Variants in REV3L observed in about 807,000 individuals in gnomAD.
The protein encoded by REV3L is REV3 like, DNA directed polymerase zeta catalytic subunit, also known as DNA polymerase zeta catalytic subunit.
A neutral mutation model predicts 299.4 loss-of-function variants in REV3L; 69 were observed. That is an observed-to-expected ratio of 0.23 (90% CI 0.19 to 0.28). The LOEUF (loss-of-function observed/expected upper bound fraction) is 0.28, where lower values mean the gene tolerates loss of function less well. REV3L is among the 10% of genes least tolerant of loss of function. REV3L has a pLI of 1.00. For missense variants in REV3L, 3,128 were observed against 3,693.8 expected, an observed-to-expected ratio of 0.85 and a Z score of 3.97; for synonymous variants, 1,238 against 1,271.4, an observed-to-expected ratio of 0.97 and a Z score of 0.56.
chr6:111,304,161 T>C (rs1323622404), intron 31 of REV3L, among the ~76,000 whole-genome samples: 1 of 147,946 alleles, frequency 6.8e-6, no homozygotes, highest in Admixed American at 6.7e-5. Flanking sequence ...ACTTGATTGG[T>C]CTTGGATTGA....
Position 111,376,525 on chromosome 6 carries a change from T to C in REV3L, c.1830A>G (p.Leu610=), listed in dbSNP as rs201855853. The change falls in exon 13 of 32, where the codon CTA becomes CTG. Residue 610 remains leucine (L), a synonymous_variant. Coordinates refer to ENST00000368802, the MANE Select transcript of REV3L (RefSeq NM_001372078.1). ...SQTNKNTEKG[L]DNSVTSFTNE... ...TTGTAAAAGAAGTGACTGAGTTATC[T>C]AGACCTTTTTCTGTATTTTTGTTTG... The C allele has an allele frequency of 1.1e-5, 18 of 1,612,684 alleles. No homozygotes were observed. Among genetic ancestry groups the C allele is most frequent in the Middle Eastern group, 3.3e-4 (2 of 6,054 alleles).
intron 1 of REV3L, among the ~76,000 whole-genome samples, chr6:111,445,040 T>C (rs905552770): frequency 6.6e-6 from 1 of 152,158 alleles, no homozygotes; most frequent in Non-Finnish European, 1.5e-5. Flanking sequence ...AAGAATCAAC[T>C]ACAGATAATA....
At position 111,418,879 on chromosome 6, in the gene REV3L, C is replaced by G. The variant is rs77733335; in HGVS notation, c.140-2407G>C. On this transcript the variant is annotated intron_variant, in intron 1 of 31. Coordinates refer to ENST00000368802, the MANE Select transcript of REV3L (RefSeq NM_001372078.1). ...AAACACATGGTATGTGCTTAACAAACATTTATTAAATGAATTAAAGAACCC... is the reference window on the plus strand; with the variant it reads ...AAACACATGGTATGTGCTTAACAAAGATTTATTAAATGAATTAAAGAACCC... 2.5e-3 allele frequency among the ~76,000 whole-genome samples: 374 copies of G among 152,212 alleles called. 10 individuals are homozygous for G. In the East Asian group the frequency reaches 0.05, roughly 21 times the overall value.
rs1582810383 is a variant in REV3L at position 111,389,967 on chromosome 6, C to A, written c.757+119G>T. 1.3e-5 allele frequency: 8 copies of A among 613,624 alleles called. No homozygotes were observed. In the East Asian group the frequency reaches 2.5e-4, roughly 19 times the overall value. 38.0% of individuals were successfully genotyped at this position (613,624 alleles called of 1,614,324 possible). ...TTGGCCAGGATGGTCTCGATCTGACCTCATGATCCACCCACCTTGGCCTCC... is the reference window on the plus strand; with the variant it reads ...TTGGCCAGGATGGTCTCGATCTGACATCATGATCCACCCACCTTGGCCTCC... On this transcript the variant is annotated intron_variant, in intron 6 of 31. Transcript: ENST00000368802.
chr6:111,461,231 A>C (rs983210337), intron 1 of REV3L, among the ~76,000 whole-genome samples: 7 of 152,076 alleles, frequency 4.6e-5, no homozygotes, highest in African/African-American at 1.7e-4. Context: ...AAGATGTGGA[A>C]GTGGAAGACA....
At chr6:111,468,315 A>G (rs1791752404) in intron 1 of REV3L, among the ~76,000 whole-genome samples, 2 of 152,222 alleles carry the variant, frequency 1.3e-5, no homozygotes, top group African/African-American at 4.8e-5. Context: ...TGAAAAAAAG[A>G]TACTACTTAA....
intron 16 of REV3L, among the ~76,000 whole-genome samples, chr6:111,360,487 T>C (rs1778545096): frequency 6.8e-6 from 1 of 147,992 alleles, no homozygotes; most frequent in Non-Finnish European, 1.5e-5. Context: ...TTTTTTTTTT[T>C]TTTTTAGACA....
intron 25 of REV3L, among the ~76,000 whole-genome samples, chr6:111,325,194 A>G (rs1774646500): frequency 6.6e-6 from 1 of 152,240 alleles, no homozygotes; most frequent in Admixed American, 6.5e-5. Context: ...TGTTTTAAGT[A>G]AAAATTAATT....
At chr6:111,440,519 T>C (rs1284076901) in intron 1 of REV3L, among the ~76,000 whole-genome samples, 2 of 138,548 alleles carry the variant, frequency 1.4e-5, no homozygotes, top group African/African-American at 2.5e-5. Flanking sequence ...TGCAATTACT[T>C]ATAAGGGACA....
chr6:111,385,461 A>G (rs2128249415), intron 9 of REV3L, among the ~76,000 whole-genome samples: 1 of 152,284 alleles, frequency 6.6e-6, no homozygotes, highest in Admixed American at 6.5e-5. Flanking sequence ...GTGAAAAACC[A>G]AACTGTAAGC....
rs183860196 is a variant in REV3L at position 111,318,884 on chromosome 6, T to C, written c.8352-3503A>G. On this transcript the variant is annotated intron_variant, in intron 26 of 31. Transcript: ENST00000368802. Reference sequence around the variant, plus strand: ...ATGCAACATTTAAAATAAGTGCACATACACATATTTCTGTACGGTTTTATA... The same window carrying C: ...ATGCAACATTTAAAATAAGTGCACACACACATATTTCTGTACGGTTTTATA... 5.0e-3 allele frequency among the ~76,000 whole-genome samples: 768 copies of C among 152,126 alleles called. 10 individuals carry two copies. Among genetic ancestry groups the C allele is most frequent in the Admixed American group, 0.03 (465 of 15,278 alleles).
rs779418990 is a variant in REV3L at position 111,482,890 on chromosome 6, T to C, written c.-2A>G. ...AGTCACTATCCTTACTGAAAACATG[T>C]TCGCCGCCGCCGCCACTGCCTCCCT... On this transcript the variant is annotated 5_prime_UTR_variant, in exon 1 of 32. Transcript: ENST00000368802. The C allele has an allele frequency of 1.2e-5, 18 of 1,512,654 alleles. No homozygotes were observed. Among genetic ancestry groups the C allele is most frequent in the Non-Finnish European group, 1.6e-5 (18 of 1,140,294 alleles). 93.7% of individuals were successfully genotyped at this position (1,512,654 alleles called of 1,614,324 possible).
intron 18 of REV3L, among the ~76,000 whole-genome samples, chr6:111,352,940 G>A (rs539003053): frequency 2.6e-5 from 4 of 152,110 alleles, no homozygotes; most frequent in East Asian, 3.9e-4. Flanking sequence ...GGGAGAGAGC[G>A]GAACTAATTA....
At chr6:111,308,032 G>A (rs1012558467) in intron 30 of REV3L, 25 of 312,840 alleles carry the variant, frequency 8.0e-5, no homozygotes, top group South Asian at 5.0e-4. Context: ...GAGAACAGGC[G>A]GTGTTTGGTT....
chr6:111,326,115 G>T (rs1453445452), intron 25 of REV3L, among the ~76,000 whole-genome samples: 1 of 151,954 alleles, frequency 6.6e-6, no homozygotes, highest in Admixed American at 6.6e-5. Flanking sequence ...CTTTTTTAGG[G>T]CTGATTACTG....
rs765610451 is a variant in REV3L at position 111,375,992 on chromosome 6, C to T, written c.2363G>A (p.Ser788Asn). 3 of 1,613,854 alleles carry T rather than the reference C, an allele frequency of 1.9e-6. No individual in the cohort carries two copies. The East Asian group carries it at 6.7e-5, about 36-fold the overall frequency. ...ATAGTGTGCTGCTTGCTGGCTGAGG[C>T]TTGGCTTTTCTGTTTTATGTTCTTG... ...EFQEHKTEKP[S>N]LSQQAAHYMF... The change falls in exon 13 of 32, where the codon AGC becomes AAC. Residue 788 changes from serine to asparagine, a missense_variant. By Grantham distance (46) the Ser-to-Asn change is conservative. Transcript: ENST00000368802.
intron 30 of REV3L, 189 bp from the exon 31 acceptor site, chr6:111,307,759 G>T: frequency 1.7e-6 from 1 of 580,164 alleles, no homozygotes; most frequent in Non-Finnish European, 3.0e-6. Context: ...TGAAGTCCTT[G>T]CCTTCATGGA....
chr6:111,482,596 G>A (rs1583166051), intron 1 of REV3L, among the ~76,000 whole-genome samples, 154 bp downstream of exon 1: 2 of 151,868 alleles, frequency 1.3e-5, no homozygotes, highest in East Asian at 3.9e-4. Flanking sequence ...TCACGCACGA[G>A]AGAAAAGGCG....
intron 1 of REV3L, chr6:111,430,159 G>A: frequency 1.3e-6 from 1 of 789,638 alleles, no homozygotes; most frequent in Non-Finnish European, 2.3e-6. Flanking sequence ...GCCCCTGTGG[G>A]ATTAGACTTG....
Sources: allele counts gnomAD v4.1 joint callset (sites outside exome capture counted in the v4.1 genomes callset), GRCh38; gene constraint gnomAD v4.1.1; transcripts MANE v1.5; gene names NCBI Gene and HGNC (gene_info 2026-07-23, HGNC 2026-07-21).